MAN2A2: variants seen among roughly 807,000 people sequenced by gnomAD.
MAN2A2 encodes the protein mannosidase alpha class 2A member 2.
MAN2A2 carries 79 observed loss-of-function variants against 126.8 expected under a neutral mutation model. The observed-to-expected ratio is 0.62, with a 90% CI of 0.52 to 0.75. The LOEUF is 0.75. Ranked by LOEUF, MAN2A2 falls within the 30% of genes least tolerant of loss-of-function variation. The pLI, the probability that MAN2A2 is intolerant of heterozygous loss-of-function variation, is 0.00. For missense variants in MAN2A2, 1,392 were observed against 1,522.4 expected (o/e 0.91, Z 1.43); for synonymous variants, 671 against 618.7 (o/e 1.08, Z -1.25).
rs879104406 is a variant in MAN2A2, at chr15:90,919,630, C to T, written c.3301-5C>T. ...ACAACCCTGCCCCTTCTCTGCTCTC[C>T]ACAGGTAGCCCTGGGCAGCCTTTTC... On this transcript the variant is annotated splice_region_variant and splice_polypyrimidine_tract_variant and intron_variant, in intron 22 of 22. Coordinates refer to ENST00000559717, the MANE Select transcript of MAN2A2 (RefSeq NM_006122.4). 2 of 1,613,938 alleles carry T rather than the reference C, an allele frequency of 1.2e-6. No individual in the cohort carries two copies. The highest frequency in any genetic ancestry group is 1.7e-6 in the Non-Finnish European group (2 of 1,179,894).
At chr15:90,916,682 G>T in intron 20 of MAN2A2, 1 of 1,291,318 alleles carries the variant, frequency 7.7e-7, no homozygotes, top group Non-Finnish European at 1.0e-6. Flanking sequence ...CTCTGGGAGC[G>T]GGGAACTAGT....
chr15:90,910,869 C>A lies in MAN2A2; in HGVS notation c.1783C>A (p.Leu595Met), dbSNP rs1404931645. The A allele has an allele frequency of 1.9e-6, 3 of 1,614,154 alleles. No homozygotes were observed. The highest frequency in any genetic ancestry group is 2.5e-6 in the Non-Finnish European group (3 of 1,180,028). The change falls in exon 12 of 23, where the codon CTG (leucine) becomes ATG (methionine). Residue 595 changes from leucine (L) to methionine (M), a missense_variant. Transcript: ENST00000559717. ...CAGGCTTCTGCGCTCCCTTGTCAAC[C>A]TGAAGCAGGTCATCATTCATGCAGC... Reference protein sequence around the residue: ...GVRLLRSLVNLKQVIIHAAHY... With the variant: ...GVRLLRSLVNMKQVIIHAAHY...
In MAN2A2 at chr15:90,904,432, C is replaced by G. The variant is rs28622439; in HGVS notation, c.132+93C>G. 60 of 1,384,116 alleles carry G rather than the reference C, an allele frequency of 4.3e-5. No homozygotes were observed. In the African/African-American group the frequency reaches 6.7e-4, roughly 15 times the overall value. 85.7% of individuals were successfully genotyped at this position (1,384,116 alleles called of 1,614,324 possible). On this transcript the variant is annotated intron_variant, in intron 2 of 22. Transcript: ENST00000559717. ...CCCCGCCGCCTCCCCTCCCACCCCCCGCTGGAGGGTAATGTCAGTACAGGA... is the reference window on the plus strand; with the variant it reads ...CCCCGCCGCCTCCCCTCCCACCCCCGGCTGGAGGGTAATGTCAGTACAGGA...
At chr15:90,905,175 A>G (rs953485886) in intron 2 of MAN2A2, 76 bp from the exon 3 acceptor site, 21 of 1,519,412 alleles carry the variant, frequency 1.4e-5, no homozygotes, top group African/African-American at 1.4e-4. Flanking sequence ...CTCAGGCCTC[A>G]GCTGGTAGAC....
chr15:90,905,712 A>AC lies in MAN2A2; in HGVS notation c.525dup (p.Asn176GlnfsTer2). On this transcript the variant is annotated frameshift_variant, in exon 4 of 23. Transcript: ENST00000559717. LOFTEE classifies it high-confidence loss of function. ...CAGGTGTTTGTGGTGCCCCACTCTCACAATGACCCAGGTGAGGGCCCTGCA... is the reference window on the plus strand; with the variant it reads ...CAGGTGTTTGTGGTGCCCCACTCTCACCAATGACCCAGGTGAGGGCCCTGCA... The AC allele has an allele frequency of 6.2e-7, 1 of 1,613,988 alleles. No individual in the cohort carries two copies. The highest frequency in any genetic ancestry group is 1.6e-4 in the Middle Eastern group (1 of 6,062).
chr15:90,918,560 G>A, intron 21 of MAN2A2, 85 bp from the exon 22 acceptor site: 1 of 1,226,366 alleles, frequency 8.2e-7, no homozygotes, highest in Non-Finnish European at 1.2e-6. Context: ...CCCTGTGCCA[G>A]CACTGCCTCT....
At chr15:90,911,745 G>A (rs1026713431) in intron 14 of MAN2A2, 195 bp downstream of exon 14, 9 of 637,130 alleles carry the variant, frequency 1.4e-5, no homozygotes, top group Non-Finnish European at 2.2e-5. Flanking sequence ...AGAAGGGGAA[G>A]GTTGGTATGG....
rs934441109 is a variant in MAN2A2 at position 90,918,265 on chromosome 15, G to A, written c.3066G>A (p.Pro1022=). ...SHLTSMYLNA[P]ALALPVARMQ... is the part of the protein sequence containing the mutation. ...TGACCTCCATGTACCTGAACGCCCC[G>A]GCGCTCGCTCTGCCTGTAGCCAGGA... Residue 1022 remains proline (P), a synonymous_variant, in exon 21 of 23, where the codon CCG becomes CCA. Coordinates refer to ENST00000559717, the MANE Select transcript of MAN2A2 (RefSeq NM_006122.4). The A allele has an allele frequency of 1.9e-6, 3 of 1,613,984 alleles. No individual in the cohort carries two copies. Among genetic ancestry groups the A allele is most frequent in the East Asian group, 2.2e-5 (1 of 44,876 alleles).
Position 90,912,762 on chromosome 15 carries a change from C to T in MAN2A2, c.2469+98C>T, listed in dbSNP as rs2034857669. ...GCTGCCTGCCAGGGGCCTTGTCTTT[C>T]CTGTTCAGCCCAGGGGTGTCTGGGA... is the stretch of plus-strand genomic sequence containing the variant. On this transcript the variant is annotated intron_variant, in intron 16 of 22. Coordinates refer to ENST00000559717, the MANE Select transcript of MAN2A2 (RefSeq NM_006122.4). 8 of 1,581,438 alleles carry T rather than the reference C, an allele frequency of 5.1e-6. No individual in the cohort carries two copies. The South Asian group carries it at 9.2e-5, about 18-fold the overall frequency.
rs1301931844 is a variant in MAN2A2 at position 90,910,573 on chromosome 15, G to A, written c.1650G>A (p.Leu550=). Residue 550 remains leucine (L), a synonymous_variant, in exon 11 of 23, where the codon CTG becomes CTA. Transcript: ENST00000559717. ...RRSGLAGRYP[L]SDFTLLTEAR... is the part of the protein sequence containing the mutation. ...CTGGTCTGGCTGGCCGGTACCCACT[G>A]TCTGATTTCACCCTCCTGACGGAAG... The A allele has an allele frequency of 6.2e-7, 1 of 1,614,080 alleles. No individual in the cohort carries two copies. The highest frequency in any genetic ancestry group is 8.5e-7 in the Non-Finnish European group (1 of 1,180,044).
Position 90,920,169 on chromosome 15 carries a change from C to T in MAN2A2, c.*382C>T, listed in dbSNP as rs2035480112. The T allele has an allele frequency of 9.4e-6, 2 of 213,040 alleles. No individual in the cohort carries two copies. Among genetic ancestry groups the T allele is most frequent in the South Asian group, 8.1e-5 (1 of 12,370 alleles). 13.2% of individuals were successfully genotyped at this position (213,040 alleles called of 1,614,324 possible). On this transcript the variant is annotated 3_prime_UTR_variant, in exon 23 of 23. Coordinates refer to ENST00000559717, the MANE Select transcript of MAN2A2 (RefSeq NM_006122.4). The stretch of plus-strand genomic sequence containing the variant: ...TAAGGGAGGCTAAGTGGGTAACAGC[C>T]CAGCATCAGGGTCACTGTGGCAACA...
chr15:90,915,868 G>T (rs568738617), intron 19 of MAN2A2: 8 of 461,384 alleles, frequency 1.7e-5, no homozygotes, highest in East Asian at 7.0e-5. Flanking sequence ...CCCAGAGCGT[G>T]GGGGGTAAAC....
Position 90,905,379 on chromosome 15 carries a change from C to T in MAN2A2, c.261C>T (p.Ala87=). Residue 87 remains alanine, a synonymous_variant, in exon 3 of 23, where the codon GCC becomes GCT. Transcript: ENST00000559717. ...ELTANAEGPP[A]MLPYYTVNGS... ...CAGCCAACGCAGAGGGCCCGCCCGC[C>T]ATGCTGCCCTACTACACGGTCAATG... 1 of 1,614,016 alleles carries T rather than the reference C, an allele frequency of 6.2e-7. No homozygotes were observed. The highest frequency in any genetic ancestry group is 8.5e-7 in the Non-Finnish European group (1 of 1,180,038).
intron 1 of MAN2A2, chr15:90,903,698 T>G (rs2034019093): frequency 4.2e-6 from 1 of 236,396 alleles, no homozygotes; most frequent in Non-Finnish European, 8.5e-6. Flanking sequence ...ACTCATTCTG[T>G]GTTTCTGAGA....
chr15:90,916,453 C>A, intron 20 of MAN2A2, 197 bp downstream of exon 20: 1 of 1,088,178 alleles, frequency 9.2e-7, no homozygotes, highest in Non-Finnish European at 1.3e-6. Context: ...CCTCTCCCAG[C>A]AGCGCTCTGT....
chr15:90,917,452 T>G (rs1332067039), intron 20 of MAN2A2, among the ~76,000 whole-genome samples: 2 of 152,148 alleles, frequency 1.3e-5, no homozygotes, highest in African/African-American at 4.8e-5. Context: ...AGGTTGGATC[T>G]GTGGGAAGGG....
chr15:90,909,547 A>G (rs770251096), intron 9 of MAN2A2, 43 bp downstream of exon 9: 2 of 1,571,434 alleles, frequency 1.3e-6, no homozygotes, highest in Non-Finnish European at 8.7e-7. Flanking sequence ...ACAGTGCTGC[A>G]GCCCATCCCT....
At chr15:90,914,414 G>A (rs76226797) in intron 19 of MAN2A2, among the ~76,000 whole-genome samples, 3,253 of 152,286 alleles carry the variant, frequency 0.021, 122 homozygotes, top group African/African-American at 0.073. Context: ...CTGAGAGTAG[G>A]GACAGCTTGT....
At chr15:90,911,811 T>G in intron 14 of MAN2A2, 1 of 605,852 alleles carries the variant, frequency 1.7e-6, no homozygotes, top group Non-Finnish European at 2.9e-6. Context: ...TCATTCAATG[T>G]TTATCGAAAG....
Sources: allele counts gnomAD v4.1 joint callset (sites outside exome capture counted in the v4.1 genomes callset), GRCh38; gene constraint gnomAD v4.1.1; transcripts MANE v1.5; gene names NCBI Gene and HGNC (gene_info 2026-07-23, HGNC 2026-07-21).